The following NCF2 variants were observed in gnomAD, a reference collection of about 807,000 sequenced individuals.
The protein encoded by NCF2 is neutrophil cytosol factor 2.
NCF2 carries 45 observed loss-of-function variants against 70.9 expected under a neutral mutation model. That is an observed-to-expected ratio of 0.63 (90% CI 0.50 to 0.81). The LOEUF is 0.81. NCF2 is among the 40% of genes least tolerant of loss of function. The pLI is 0.00. For missense variants in NCF2, 522 were observed against 631.6 expected (o/e 0.83, Z 1.86); for synonymous variants, 203 against 233.6 (o/e 0.87, Z 1.19).
chr1:183,583,533 C>T (rs1477455149), intron 2 of NCF2, among the ~76,000 whole-genome samples: 2 of 152,196 alleles, frequency 1.3e-5, no homozygotes, highest in East Asian at 1.9e-4. Context: ...CTATATTTTG[C>T]TCACTTTTAT....
chr1:183,561,172 A>G (rs34560544), intron 13 of NCF2, among the ~76,000 whole-genome samples: 107 of 152,374 alleles, frequency 7.0e-4, no homozygotes, highest in African/African-American at 2.4e-3. Flanking sequence ...TGCTTCACAA[A>G]TGAAGGAGAA....
rs190839978 is a variant in NCF2 at position 183,558,614 on chromosome 1, G to A, written c.1468+1482C>T. Among the ~76,000 whole-genome samples, 3 of 151,894 alleles carry A rather than the reference G, an allele frequency of 2.0e-5. No homozygotes were observed. The East Asian group carries it at 5.8e-4, about 29-fold the overall frequency. Reference sequence around the variant, plus strand: ...AGAGTCTCGCTCTGTCACCCAGGCTGGAGGGCAGTGGTGCAATCTCGGCTC... The same window carrying A: ...AGAGTCTCGCTCTGTCACCCAGGCTAGAGGGCAGTGGTGCAATCTCGGCTC... On this transcript the variant is annotated intron_variant, in intron 14 of 14. Coordinates refer to ENST00000367535, the MANE Select transcript of NCF2 (RefSeq NM_000433.4).
intron 7 of NCF2, among the ~76,000 whole-genome samples, chr1:183,568,468 T>A (rs1459473788): frequency 6.6e-6 from 1 of 151,906 alleles, no homozygotes; most frequent in Non-Finnish European, 1.5e-5. Flanking sequence ...ACCTGGCCAA[T>A]CACTTTTTAA....
chr1:183,578,011 C>T (rs1195733031), intron 2 of NCF2, among the ~76,000 whole-genome samples: 1 of 152,208 alleles, frequency 6.6e-6, no homozygotes, highest in African/African-American at 2.4e-5. Flanking sequence ...CCTGACTTGT[C>T]GCTTTCCGAT....
chr1:183,599,431 T>C, the NCF2 span, among the ~76,000 whole-genome samples: 45 of 87,700 alleles, frequency 5.1e-4, no homozygotes, highest in Non-Finnish European at 7.7e-4. Flanking sequence ...TCCTTCTTTC[T>C]TTCTTTCTTT....
At chr1:183,591,487 T>TC (rs1363124391), upstream of NCF2, among the ~76,000 whole-genome samples, 1 of 151,716 alleles carries the variant, frequency 6.6e-6, no homozygotes, top group East Asian at 1.9e-4. Flanking sequence ...ATAACTTTTT[T>TC]TTTTTTTTTT....
At chr1:183,577,195 A>G (rs765922787) in intron 3 of NCF2, among the ~76,000 whole-genome samples, 1 of 152,204 alleles carries the variant, frequency 6.6e-6, no homozygotes, top group Non-Finnish European at 1.5e-5. Flanking sequence ...TCCTGCACGG[A>G]CAATGAACTC....
chr1:183,555,717 A>ATGAT lies in NCF2; in HGVS notation c.*400_*401insATCA, dbSNP rs1332359014. On this transcript the variant is annotated 3_prime_UTR_variant, in exon 15 of 15. Coordinates refer to ENST00000367535, the MANE Select transcript of NCF2 (RefSeq NM_000433.4). ...GACTTGGGTGTCTTGTTTTTGTAAG[A>ATGAT]TGCTAGGTTTTTTTTTATTGTGGTA... 11 of 211,228 alleles carry ATGAT rather than the reference A, an allele frequency of 5.2e-5. No homozygotes were observed. The highest frequency in any genetic ancestry group is 2.1e-4 in the African/African-American group (9 of 43,446). The allele number at this position is 211,228 out of a possible 1,614,324, so 13.1% of individuals were successfully genotyped here. A position where few individuals can be genotyped will look rare whatever the true frequency, so the allele number is the denominator to read the frequency against.
chr1:183,581,423 C>T (rs913889680), intron 2 of NCF2, among the ~76,000 whole-genome samples: 2 of 151,554 alleles, frequency 1.3e-5, no homozygotes, highest in African/African-American at 2.4e-5. Context: ...CACTTGAGCC[C>T]AGGAGTTTGA....
the NCF2 span, among the ~76,000 whole-genome samples, chr1:183,596,924 G>C: frequency 6.6e-6 from 1 of 152,026 alleles, no homozygotes; most frequent in African/African-American, 2.4e-5. Flanking sequence ...CAAAACACAA[G>C]CACTCTATCA....
rs755198136 is a variant in NCF2 at position 183,560,568 on chromosome 1, C to T, written c.1291-295G>A. ...AGGATAAAATTGTTCCACCTCAGAT[C>T]GTCAGGCATTAGATTCTCATAAAGA... is the stretch of plus-strand genomic sequence containing the variant. On this transcript the variant is annotated intron_variant, in intron 13 of 14. Transcript: ENST00000367535. Among the ~76,000 whole-genome samples the T allele has an allele frequency of 5.3e-5, 8 of 152,254 alleles. No individual in the cohort carries two copies. In the South Asian group the frequency reaches 1.2e-3, roughly 24 times the overall value.
At chr1:183,576,175 G>A (rs1455585887) in intron 3 of NCF2, among the ~76,000 whole-genome samples, 1 of 152,178 alleles carries the variant, frequency 6.6e-6, no homozygotes, top group East Asian at 1.9e-4. Flanking sequence ...ATTATAAGTA[G>A]GGAAATGACT....
chr1:183,590,478 A>G, upstream of NCF2: 1 of 825,540 alleles, frequency 1.2e-6, no homozygotes. Context: ...GCCTCCCTTA[A>G]GATAACTTCT....
intron 14 of NCF2, among the ~76,000 whole-genome samples, chr1:183,557,262 C>T (rs989794154): frequency 1.3e-5 from 2 of 152,224 alleles, no homozygotes; most frequent in Admixed American, 1.3e-4. Flanking sequence ...CTTTGTACAT[C>T]TAGATCAGAC....
chr1:183,596,589 T>C, the NCF2 span, among the ~76,000 whole-genome samples: 1 of 151,956 alleles, frequency 6.6e-6, no homozygotes, highest in Non-Finnish European at 1.5e-5. Context: ...CTGACCAACA[T>C]GGTGAAACCC....
At chr1:183,563,729 C>A in intron 11 of NCF2, 144 bp from the exon 12 acceptor site, 1 of 1,050,154 alleles carries the variant, frequency 9.5e-7, no homozygotes, top group South Asian at 1.4e-5. Flanking sequence ...TCACAGTAGC[C>A]TAAAAGGCCT....
chr1:183,576,383 T>C (rs1672800106), intron 3 of NCF2, among the ~76,000 whole-genome samples: 2 of 152,200 alleles, frequency 1.3e-5, no homozygotes, highest in Non-Finnish European at 2.9e-5. Flanking sequence ...GTCCCCCAAC[T>C]TTCTAATCTG....
At chr1:183,560,760 C>T (rs558950555) in intron 13 of NCF2, among the ~76,000 whole-genome samples, 11 of 152,292 alleles carry the variant, frequency 7.2e-5, no homozygotes, top group African/African-American at 2.4e-4. Context: ...GTTGGGGACC[C>T]CTGGGATAAA....
the NCF2 span, among the ~76,000 whole-genome samples, chr1:183,599,484 C>CTTTCTTTCTTTCTTTCTTTCTTTCT: frequency 4.9e-5 from 2 of 40,648 alleles, no homozygotes; most frequent in Admixed American, 2.1e-4. Flanking sequence ...CTTTCTTTCT[C>CTTTCTTTCTTTCTTTCTTTCTTTCT]TTTTCTTTCT....
Sources: gnomAD v4.1 joint callset for allele counts (sites outside exome capture counted in the v4.1 genomes callset) on GRCh38, gnomAD v4.1.1 for gene constraint, MANE v1.5 for transcripts, NCBI Gene and HGNC (gene_info 2026-07-23, HGNC 2026-07-21) for gene names.